The following SPTA1 variants were observed in gnomAD, a reference collection of about 807,000 sequenced individuals.
SPTA1 encodes the protein spectrin alpha chain, erythrocytic 1.
In SPTA1, 177 loss-of-function variants were observed where a neutral mutation model predicts 324.7. That is an observed-to-expected ratio of 0.55 (90% CI 0.48 to 0.62). The LOEUF (loss-of-function observed/expected upper bound fraction) is 0.62. Among genes scored for constraint, SPTA1 ranks in the 20% least tolerant of loss-of-function variants. The pLI is 0.00. For missense variants in SPTA1, 3,162 were observed against 2,883.6 expected, an observed-to-expected ratio of 1.10 and a Z score of -2.21; for synonymous variants, 1,195 against 1,041.3, an observed-to-expected ratio of 1.15 and a Z score of -2.84.
At chr1:158,629,385 G>A (rs990857974) in intron 39 of SPTA1, among the ~76,000 whole-genome samples, 1 of 151,820 alleles carries the variant, frequency 6.6e-6, no homozygotes, top group Admixed American at 6.6e-5. Flanking sequence ...TTCAACATAT[G>A]CAGATCAATA....
At chr1:158,641,607 G>C (rs1428650974) in intron 33 of SPTA1, among the ~76,000 whole-genome samples, 1 of 152,178 alleles carries the variant, frequency 6.6e-6, no homozygotes, top group Non-Finnish European at 1.5e-5. Flanking sequence ...AAACCACAAT[G>C]AGATACCATC....
intron 25 of SPTA1, among the ~76,000 whole-genome samples, chr1:158,649,222 G>A (rs569733496): frequency 3.3e-5 from 5 of 152,272 alleles, no homozygotes; most frequent in African/African-American, 1.2e-4. Context: ...TCTACTGTCA[G>A]CTTCTAGTTG....
intron 16 of SPTA1, among the ~76,000 whole-genome samples, chr1:158,663,597 A>G (rs1199665308): frequency 6.6e-6 from 1 of 152,190 alleles, no homozygotes; most frequent in Non-Finnish European, 1.5e-5. Flanking sequence ...CAATAGGTAC[A>G]CTACATTTTT....
rs1217306214 is a variant in SPTA1 at position 158,639,852 on chromosome 1, G to C, written c.4875+18C>G. ...TGTATTAAACTCTTGTGTCTCTACT[G>C]TTTCCGGGTGCAATTACCTCTGAGA... On this transcript the variant is annotated intron_variant, in intron 34 of 51. Coordinates refer to ENST00000643759, the MANE Select transcript of SPTA1 (RefSeq NM_003126.4). The C allele has an allele frequency of 1.2e-6, 2 of 1,613,934 alleles. No homozygotes were observed. The highest frequency in any genetic ancestry group is 1.7e-4 in the Middle Eastern group (1 of 6,006).
rs857935 is a variant in SPTA1 at position 158,683,719 on chromosome 1, A to G, written c.265-223T>C. On this transcript the variant is annotated intron_variant, in intron 2 of 51. Coordinates refer to ENST00000643759, the MANE Select transcript of SPTA1 (RefSeq NM_003126.4). ...TGCCGAGCCTTATTTTAAAGGCTCA[A>G]TAGACTGCCATAGGAATAAAAGAGT... Among the ~76,000 whole-genome samples, 9,938 of 152,224 alleles carry G rather than the reference A, an allele frequency of 0.065. 429 individuals carry two copies. Among genetic ancestry groups the G allele is most frequent in the Middle Eastern group, 0.15 (44 of 294 alleles).
Position 158,658,915 on chromosome 1 carries a change from G to A in SPTA1, c.2588-1221C>T, listed in dbSNP as rs952815358. Among the ~76,000 whole-genome samples the A allele has an allele frequency of 2.0e-5, 3 of 152,040 alleles. No individual in the cohort carries two copies. In the South Asian group the frequency reaches 6.2e-4, roughly 32 times the overall value. On this transcript the variant is annotated intron_variant, in intron 18 of 51. Transcript: ENST00000643759. ...ATGTAGTGAAAATATATTTCAAAAAGGAAGGTAGAATGAAGACCTTTAGAT... is the reference window on the plus strand; with the variant it reads ...ATGTAGTGAAAATATATTTCAAAAAAGAAGGTAGAATGAAGACCTTTAGAT...
intron 42 of SPTA1, among the ~76,000 whole-genome samples, chr1:158,625,585 A>G (rs1012998816): frequency 7.9e-5 from 12 of 152,098 alleles, no homozygotes; most frequent in African/African-American, 2.9e-4. Flanking sequence ...CAAAAAGATA[A>G]TGAGAAAAGT....
In SPTA1 at chr1:158,645,318, A is replaced by T. The variant is rs1240655739; in HGVS notation, c.4064T>A (p.Leu1355His). 6 of 1,613,894 alleles carry T rather than the reference A, an allele frequency of 3.7e-6. No individual in the cohort carries two copies. The highest frequency in any genetic ancestry group is 5.1e-6 in the Non-Finnish European group (6 of 1,179,980). The change falls in exon 29 of 52, where the codon CTT becomes CAT. Residue 1355 changes from leucine (L) to histidine (H), a missense_variant. By Grantham distance (99) the Leu-to-His change is moderately conservative. Coordinates refer to ENST00000643759, the MANE Select transcript of SPTA1 (RefSeq NM_003126.4). ...GCTAGCATGGTGCCCACTGTCGATA[A>T]GTTCTGCACTGAAGTCCTCTAAGGC... ...FQALEDFSAE[L>H]IDSGHHASPE...
chr1:158,639,929 C>A lies in SPTA1; in HGVS notation c.4816G>T (p.Ala1606Ser). 1 of 1,613,900 alleles carries A rather than the reference C, an allele frequency of 6.2e-7. No individual in the cohort carries two copies. The highest frequency in any genetic ancestry group is 8.5e-7 in the Non-Finnish European group (1 of 1,179,912). ...GTGTTGAACCTCTGTTGACGACTGG[C>A]CTCATTGAGCTTCTTCCCTTTGTCA... ...TNDKGKKLNE[A>S]SRQQRFNTSI... is the part of the protein sequence containing the mutation. Residue 1606 changes from alanine to serine, a missense_variant, in exon 34 of 52, where the codon GCC becomes TCC. Transcript: ENST00000643759.
intron 42 of SPTA1, among the ~76,000 whole-genome samples, chr1:158,625,359 G>T (rs1650202796): frequency 6.6e-6 from 1 of 152,002 alleles, no homozygotes; most frequent in Non-Finnish European, 1.5e-5. Context: ...ACATCTTTTA[G>T]CCTATCCTCA....
At chr1:158,648,689 G>T in intron 25 of SPTA1, 36 bp from the exon 26 acceptor site, 1 of 1,611,306 alleles carries the variant, frequency 6.2e-7, no homozygotes, top group Non-Finnish European at 8.5e-7. Context: ...CAAAAGTAAG[G>T]ATATGTACCA....
chr1:158,632,651 C>T (rs1650765360), intron 39 of SPTA1, among the ~76,000 whole-genome samples: 1 of 151,832 alleles, frequency 6.6e-6, no homozygotes, highest in South Asian at 2.1e-4. Context: ...AAAGTAGTGA[C>T]AACACAGAAT....
intron 39 of SPTA1, among the ~76,000 whole-genome samples, chr1:158,629,413 T>C (rs1293166311): frequency 6.6e-6 from 1 of 151,718 alleles, no homozygotes; most frequent in East Asian, 1.9e-4. Context: ...TACAACACAT[T>C]GACACAAAAA....
At chr1:158,628,270 T>C (rs2101784848) in intron 39 of SPTA1, among the ~76,000 whole-genome samples, 1 of 152,246 alleles carries the variant, frequency 6.6e-6, no homozygotes, top group Non-Finnish European at 1.5e-5. Context: ...TTGTCTTCTG[T>C]TGTACCTTCC....
intron 41 of SPTA1, 111 bp downstream of exon 41, chr1:158,626,728 G>T: frequency 7.2e-7 from 1 of 1,390,886 alleles, no homozygotes; most frequent in Non-Finnish European, 1.0e-6. Context: ...AATGGGTAGT[G>T]ATGGAAACAC....
chr1:158,680,055 T>TTA (rs1020786621), intron 5 of SPTA1, among the ~76,000 whole-genome samples: 86 of 151,990 alleles, frequency 5.7e-4, no homozygotes, highest in African/African-American at 1.5e-3. Flanking sequence ...ACATGTAAAC[T>TTA]TATATATATA....
chr1:158,677,868 G>T, intron 6 of SPTA1, 34 bp from the exon 7 acceptor site: 1 of 1,613,092 alleles, frequency 6.2e-7, no homozygotes, highest in South Asian at 1.1e-5. Context: ...AACCAAAGAA[G>T]ATAGCAAGCA....
At chr1:158,668,566 T>A (rs2101906621) in intron 14 of SPTA1, among the ~76,000 whole-genome samples, 2 of 152,278 alleles carry the variant, frequency 1.3e-5, no homozygotes, top group East Asian at 3.9e-4. Flanking sequence ...GAAGTATACA[T>A]TTAAAACTAA....
At chr1:158,635,042 G>T (rs761855021) in intron 38 of SPTA1, among the ~76,000 whole-genome samples, 1 of 151,778 alleles carries the variant, frequency 6.6e-6, no homozygotes, top group Non-Finnish European at 1.5e-5. Flanking sequence ...CGTATATGAT[G>T]AAGACACCAC....
Sources: allele counts gnomAD v4.1 joint callset (sites outside exome capture counted in the v4.1 genomes callset), GRCh38; gene constraint gnomAD v4.1.1; transcripts MANE v1.5; gene names NCBI Gene and HGNC (gene_info 2026-07-23, HGNC 2026-07-21).